Variants in TYR observed in about 807,000 individuals in gnomAD.
TYR encodes the protein LB24-AB.
In TYR, 58 loss-of-function variants were observed where a neutral mutation model predicts 51.5. That is an observed-to-expected ratio of 1.13 (90% CI 0.91 to 1.40). The LOEUF is 1.40. Among genes scored for constraint, TYR ranks in the 40% most tolerant of loss-of-function variants. The pLI is 0.00. For synonymous variants in TYR, 263 were observed against 235.2 expected (o/e 1.12, Z -1.08); for missense variants, 732 against 647.4 (o/e 1.13, Z -1.42).
At chr11:89,223,468 A>AT in intron 2 of TYR, among the ~76,000 whole-genome samples, 1 of 152,258 alleles carries the variant, frequency 6.6e-6, no homozygotes, top group East Asian at 1.9e-4. Flanking sequence ...GTTTGTTCAC[A>AT]TTTTTATATT....
At chr11:89,206,311 T>A (rs1330612636) in intron 2 of TYR, among the ~76,000 whole-genome samples, 1 of 152,090 alleles carries the variant, frequency 6.6e-6, no homozygotes, top group Non-Finnish European at 1.5e-5. Context: ...GAAAAAATCA[T>A]AAAACATTAA....
chr11:89,289,027 T>C (rs1188653174), intron 4 of TYR, among the ~76,000 whole-genome samples: 1 of 152,028 alleles, frequency 6.6e-6, no homozygotes, highest in African/African-American at 2.4e-5. Context: ...TCTCTTATAA[T>C]TGAATTTAGT....
chr11:89,251,889 T>C (rs115864777), intron 3 of TYR, among the ~76,000 whole-genome samples: 1,768 of 151,958 alleles, frequency 0.012, 33 homozygotes, highest in African/African-American at 0.041. Flanking sequence ...CATTGAAATG[T>C]AATTACCTCT....
chr11:89,205,203 T>C (rs377608212), intron 2 of TYR, among the ~76,000 whole-genome samples: 4 of 151,576 alleles, frequency 2.6e-5, no homozygotes, highest in African/African-American at 7.3e-5. Context: ...AAAATAGAAA[T>C]TACCAAATCT....
At chr11:89,270,653 G>C (rs1590891424) in intron 3 of TYR, among the ~76,000 whole-genome samples, 1 of 151,614 alleles carries the variant, frequency 6.6e-6, no homozygotes. Context: ...CACTAAATTA[G>C]TGATTCATAA....
chr11:89,255,784 T>G (rs187585944), intron 3 of TYR, among the ~76,000 whole-genome samples: 2 of 151,872 alleles, frequency 1.3e-5, no homozygotes, highest in Admixed American at 1.3e-4. Flanking sequence ...GTAATTTCTA[T>G]CTCTTCTAAT....
chr11:89,250,715 T>A (rs1028964751), intron 3 of TYR, among the ~76,000 whole-genome samples: 2 of 151,870 alleles, frequency 1.3e-5, no homozygotes, highest in African/African-American at 4.8e-5. Flanking sequence ...AAACTTCTCT[T>A]CATATAAAGA....
chr11:89,231,694 A>G (rs921717222), intron 3 of TYR, among the ~76,000 whole-genome samples: 2 of 142,808 alleles, frequency 1.4e-5, no homozygotes, highest in Non-Finnish European at 1.5e-5. Context: ...AGTTAAGTAT[A>G]AGAAGTAGGC....
At chr11:89,254,671 C>T (rs1159805257) in intron 3 of TYR, among the ~76,000 whole-genome samples, 1 of 151,828 alleles carries the variant, frequency 6.6e-6, no homozygotes, top group Non-Finnish European at 1.5e-5. Flanking sequence ...GTTGTAATAT[C>T]TCCCATTTCA....
At chr11:89,199,602 T>C (rs901521814) in intron 2 of TYR, among the ~76,000 whole-genome samples, 1 of 152,216 alleles carries the variant, frequency 6.6e-6, no homozygotes, top group African/African-American at 2.4e-5. Flanking sequence ...GGGCATCTAC[T>C]TCCTCATTTA....
At chr11:89,262,363 A>T (rs550105902) in intron 3 of TYR, among the ~76,000 whole-genome samples, 1 of 152,162 alleles carries the variant, frequency 6.6e-6, no homozygotes, top group Non-Finnish European at 1.5e-5. Flanking sequence ...CTGGCCTGAA[A>T]TTTATGGTTA....
intron 2 of TYR, chr11:89,192,108 T>G: frequency 2.8e-6 from 1 of 360,486 alleles, no homozygotes; most frequent in Non-Finnish European, 5.4e-6. Context: ...TTAAGTTTTC[T>G]GTTCTTCATC....
chr11:89,199,334 A>G (rs1943567133), intron 2 of TYR, among the ~76,000 whole-genome samples: 2 of 152,170 alleles, frequency 1.3e-5, no homozygotes, highest in Non-Finnish European at 2.9e-5. Context: ...ATCTAGTTGT[A>G]CTGGCATATG....
chr11:89,274,429 A>G (rs1944626744), intron 3 of TYR, among the ~76,000 whole-genome samples: 1 of 151,884 alleles, frequency 6.6e-6, no homozygotes, highest in South Asian at 2.1e-4. Flanking sequence ...GTCTTTTCTA[A>G]GGAAATTAAA....
chr11:89,277,783 A>G (rs1484604642), intron 3 of TYR, among the ~76,000 whole-genome samples: 2 of 151,272 alleles, frequency 1.3e-5, no homozygotes, highest in Non-Finnish European at 3.0e-5. Context: ...GACATCATCT[A>G]TTTTCCTGGA....
chr11:89,182,065 T>C (rs1444152559), intron 1 of TYR, among the ~76,000 whole-genome samples: 1 of 152,198 alleles, frequency 6.6e-6, no homozygotes, highest in East Asian at 1.9e-4. Flanking sequence ...TCCCCGTCTT[T>C]GTGCTATCAT....
chr11:89,277,018 T>C (rs1405680719), intron 3 of TYR, among the ~76,000 whole-genome samples: 1 of 151,834 alleles, frequency 6.6e-6, no homozygotes, highest in Non-Finnish European at 1.5e-5. Context: ...TGTCTCATTT[T>C]ATCCTTAACT....
intron 2 of TYR, among the ~76,000 whole-genome samples, chr11:89,226,666 A>G (rs1300277737): frequency 6.6e-6 from 1 of 152,122 alleles, no homozygotes; most frequent in Non-Finnish European, 1.5e-5. Flanking sequence ...ACCTTTAATA[A>G]GGAAGATATT....
chr11:89,288,623 A>C (rs879512147), intron 4 of TYR, among the ~76,000 whole-genome samples: 2 of 152,050 alleles, frequency 1.3e-5, no homozygotes, highest in South Asian at 4.1e-4. Flanking sequence ...AGTTAATTTT[A>C]GAGAAGTTTG....
Sources: gnomAD v4.1 joint callset for allele counts (sites outside exome capture counted in the v4.1 genomes callset) on GRCh38, gnomAD v4.1.1 for gene constraint, MANE v1.5 for transcripts, NCBI Gene and HGNC (gene_info 2026-07-23, HGNC 2026-07-21) for gene names.